Variants in TUBGCP5 observed in about 807,000 individuals in gnomAD.
TUBGCP5 encodes the protein tubulin gamma complex component 5.
A neutral mutation model predicts 134.7 loss-of-function variants in TUBGCP5; 98 were observed. The observed-to-expected ratio is 0.73, with a 90% CI of 0.62 to 0.86. TUBGCP5 has a LOEUF of 0.86. Ranked by LOEUF, TUBGCP5 falls within the 40% of genes least tolerant of loss-of-function variation. The pLI is 0.00. For synonymous variants in TUBGCP5, 456 were observed against 431.4 expected (o/e 1.06, Z -0.71); for missense variants, 1,150 against 1,244.8 (o/e 0.92, Z 1.15).
At chr15:23,034,929 T>A (rs945062617) in intron 3 of TUBGCP5, among the ~76,000 whole-genome samples, 3 of 151,944 alleles carry the variant, frequency 2.0e-5, no homozygotes, top group African/African-American at 7.3e-5. Flanking sequence ...ATAACATTAA[T>A]AAATCTCTAG....
chr15:23,029,564 T>C (rs562373714), intron 6 of TUBGCP5, among the ~76,000 whole-genome samples: 1 of 152,234 alleles, frequency 6.6e-6, no homozygotes, highest in East Asian at 1.9e-4. Flanking sequence ...AAAATGTCTA[T>C]AGAAGAATAA....
rs1164145650 is a variant in TUBGCP5 at position 23,013,285 on chromosome 15, T to C, written c.1757-1954A>G. On this transcript the variant is annotated intron_variant, in intron 13 of 22. Transcript: ENST00000615383. The surrounding 1 kb of genome is among the most constrained non-coding windows in gnomAD (Gnocchi z 4.5). The stretch of plus-strand genomic sequence containing the variant: ...GGCTAGTATGGTAAAACCCCGTCTC[T>C]ACTAAAAATACAAAAAAATTAGCCG... Among the ~76,000 whole-genome samples the C allele has an allele frequency of 6.6e-6, 1 of 151,764 alleles. No homozygotes were observed. Among genetic ancestry groups the C allele is most frequent in the Non-Finnish European group, 1.5e-5 (1 of 67,960 alleles).
At chr15:22,996,394 C>T (rs1434801572), downstream of TUBGCP5, among the ~76,000 whole-genome samples, 1 of 152,152 alleles carries the variant, frequency 6.6e-6, no homozygotes, top group African/African-American at 2.4e-5. Flanking sequence ...CCTGTAATCC[C>T]AGCACTTTGG....
chr15:23,027,143 A>G, intron 7 of TUBGCP5, 49 bp downstream of exon 7: 1 of 1,394,252 alleles, frequency 7.2e-7, no homozygotes, highest in Non-Finnish European at 9.9e-7. Context: ...ACGTTTAAAC[A>G]TCAAAGTTTC....
chr15:22,993,123 T>C (rs536894747), intron 23 of TUBGCP5, among the ~76,000 whole-genome samples: 2 of 152,208 alleles, frequency 1.3e-5, no homozygotes, highest in African/African-American at 4.8e-5. Context: ...TTTTTGAGAT[T>C]GAGTCTCGCT....
chr15:23,003,953 T>C, intron 20 of TUBGCP5, 149 bp downstream of exon 20: 1 of 1,044,382 alleles, frequency 9.6e-7, no homozygotes, highest in Non-Finnish European at 1.3e-6. Flanking sequence ...GTGGCCGGCC[T>C]GGGGCATTTG....
At chr15:23,028,777 G>C (rs2066126380) in intron 6 of TUBGCP5, among the ~76,000 whole-genome samples, 1 of 152,118 alleles carries the variant, frequency 6.6e-6, no homozygotes, top group Non-Finnish European at 1.5e-5. Flanking sequence ...TTCTGCTACG[G>C]ACTAGAGGGT....
rs1038173974 is a variant in TUBGCP5 at position 23,039,046 on chromosome 15, A to G, written c.146+352T>C. 2.2e-4 allele frequency among the ~76,000 whole-genome samples: 32 copies of G among 148,064 alleles called. No individual in the cohort carries two copies. In the East Asian group the frequency reaches 5.3e-3, roughly 25 times the overall value. ...TCTCTTTAATTTAAAAAAAAAAAAAATTATAAACATGGAGTTGCTACGTTG... is the reference window on the plus strand; with the variant it reads ...TCTCTTTAATTTAAAAAAAAAAAAAGTTATAAACATGGAGTTGCTACGTTG... On this transcript the variant is annotated intron_variant, in intron 1 of 22. Coordinates refer to ENST00000615383, the MANE Select transcript of TUBGCP5 (RefSeq NM_052903.6).
rs767048262 is a variant in TUBGCP5 at position 22,999,884 on chromosome 15, A to C, written c.3029-18T>G. The stretch of plus-strand genomic sequence containing the variant: ...AGATTCCACTGTGGGAAGAATAAAA[A>C]TAAGGTTAAAACAATAGGTTTAAAT... On this transcript the variant is annotated intron_variant, in intron 22 of 22. Transcript: ENST00000615383. 7 of 1,613,158 alleles carry C rather than the reference A, an allele frequency of 4.3e-6. No individual in the cohort carries two copies. The highest frequency in any genetic ancestry group is 5.1e-6 in the Non-Finnish European group (6 of 1,179,450).
chr15:23,008,810 T>G lies in TUBGCP5; in HGVS notation c.2216A>C (p.Tyr739Ser). 1 of 1,601,734 alleles carries G rather than the reference T, an allele frequency of 6.2e-7. No homozygotes were observed. The highest frequency in any genetic ancestry group is 8.5e-7 in the Non-Finnish European group (1 of 1,177,248). ...TCTTATTTTATCAAAAATTGACGTG[T>G]AGAAGTCATACATGGTATCTCCTCC... ...MEGGDTMYDF[Y>S]TSIFDKIREK... The change falls in exon 16 of 23, where the codon TAC (tyrosine) becomes TCC (serine). Residue 739 changes from tyrosine (Y) to serine (S), a missense_variant. Around this residue, in one of 2 missense-constraint regions of TUBGCP5, gnomAD observed 697 missense variants for 850.1 expected, o/e 0.82. Coordinates refer to ENST00000615383, the MANE Select transcript of TUBGCP5 (RefSeq NM_052903.6).
In TUBGCP5 at chr15:23,032,861, T is replaced by A; in HGVS notation, c.310-37A>T. ...AAAAAAGAACATAAATCTCTGAGGTTGGGAAATGCTTTCTACACCAGATTG... is the reference window on the plus strand; with the variant it reads ...AAAAAAGAACATAAATCTCTGAGGTAGGGAAATGCTTTCTACACCAGATTG... On this transcript the variant is annotated intron_variant, in intron 3 of 22. Coordinates refer to ENST00000615383, the MANE Select transcript of TUBGCP5 (RefSeq NM_052903.6). 2.8e-6 allele frequency: 4 copies of A among 1,449,098 alleles called. No homozygotes were observed. The South Asian group carries it at 5.5e-5, about 20-fold the overall frequency. The allele number at this position is 1,449,098 out of a possible 1,614,324, so 89.8% of individuals were successfully genotyped here. A position where few individuals can be genotyped will look rare whatever the true frequency, so the allele number is the denominator to read the frequency against.
intron 23 of TUBGCP5, among the ~76,000 whole-genome samples, chr15:22,991,438 G>A (rs1295740474): frequency 6.6e-6 from 1 of 152,186 alleles, no homozygotes; most frequent in Non-Finnish European, 1.5e-5. Context: ...AATTGATGTG[G>A]TGGCTTTGCA....
chr15:23,026,053 A>G, intron 8 of TUBGCP5, 63 bp downstream of exon 8: 1 of 1,383,004 alleles, frequency 7.2e-7, no homozygotes. Context: ...TCCTTTAATA[A>G]AAGTTTTTGC....
intron 1 of TUBGCP5, among the ~76,000 whole-genome samples, chr15:23,038,217 C>A (rs529366906): frequency 4.8e-4 from 73 of 152,252 alleles, no homozygotes; most frequent in Non-Finnish European, 8.5e-4. Context: ...AGCGAGCAAT[C>A]TGTACTTAAA....
intron 23 of TUBGCP5, among the ~76,000 whole-genome samples, chr15:22,984,069 G>A (rs1369730836): frequency 6.6e-6 from 1 of 152,092 alleles, no homozygotes. Context: ...GTAGTGAGCT[G>A]ACATCGTGCC....
chr15:23,019,806 A>C (rs1045772522), intron 11 of TUBGCP5, among the ~76,000 whole-genome samples: 2 of 151,366 alleles, frequency 1.3e-5, no homozygotes, highest in Non-Finnish European at 2.9e-5. Context: ...AACAAAAAGA[A>C]AAAAAAAAGA....
chr15:23,000,780 CCTAAAT>C, intron 21 of TUBGCP5, 111 bp from the exon 22 acceptor site: 1 of 758,002 alleles, frequency 1.3e-6, no homozygotes, highest in African/African-American at 1.8e-5. Context: ...TATTTAAAAT[CCTAAAT>C]CTAAAGATTA....
chr15:23,017,807 A>G lies in TUBGCP5; in HGVS notation c.1722T>C (p.Cys574=). The G allele has an allele frequency of 6.2e-7, 1 of 1,613,920 alleles. No individual in the cohort carries two copies. Among genetic ancestry groups the G allele is most frequent in the South Asian group, 1.1e-5 (1 of 91,062 alleles). ...KSMQLLKNLQ[C]AESTTCQAGA... ...CTGCCTGGCAGGTGGTGCTCTCCGC[A>G]CACTGCAGGTTCTTCAGCAGCTGCA... The change falls in exon 13 of 23, where the codon TGT becomes TGC. Residue 574 remains cysteine, a synonymous_variant. Transcript: ENST00000615383.
chr15:23,022,972 G>A (rs997600060), intron 10 of TUBGCP5: 2 of 152,110 alleles, frequency 1.3e-5, no homozygotes, highest in African/African-American at 2.4e-5. Flanking sequence ...TCATCTACTT[G>A]GTTCACAACA....
Sources: gnomAD v4.1 joint callset for allele counts (sites outside exome capture counted in the v4.1 genomes callset) on GRCh38, gnomAD v4.1.1 for gene constraint, gnomAD v4.1.1 regional missense constraint, Gnocchi (gnomAD v3.1) non-coding constraint, MANE v1.5 for transcripts, NCBI Gene and HGNC (gene_info 2026-07-23, HGNC 2026-07-21) for gene names.